The following IGSF9B variants were observed in gnomAD, a reference collection of about 807,000 sequenced individuals.
IGSF9B encodes immunoglobulin superfamily member 9B.
In IGSF9B, 48 loss-of-function variants were observed where a neutral mutation model predicts 143.7. The observed-to-expected ratio is 0.33, with a 90% CI of 0.26 to 0.42. The LOEUF is 0.42. IGSF9B is among the 20% of genes least tolerant of loss of function. IGSF9B has a pLI of 1.00. For synonymous variants in IGSF9B, 903 were observed against 833.1 expected, an observed-to-expected ratio of 1.08 and a Z score of -1.44; for missense variants, 1,706 against 1,980.0, an observed-to-expected ratio of 0.86 and a Z score of 2.63.
At position 133,923,497 on chromosome 11, in the gene IGSF9B, C is replaced by T. The variant is rs114155504; in HGVS notation, c.2120-767G>A. Among the ~76,000 whole-genome samples the T allele has an allele frequency of 7.6e-3, 1,150 of 152,256 alleles. 14 individuals are homozygous for T. Among genetic ancestry groups the T allele is most frequent in the African/African-American group, 0.027 (1,104 of 41,530 alleles). On this transcript the variant is annotated intron_variant, in intron 15 of 19. Coordinates refer to ENST00000533871, the MANE Select transcript of IGSF9B (RefSeq NM_001277285.4). ...CCAAGTCTACAGAGCTCGTTATGAC[C>T]GAGCCAAGACTAGACACCAGCCTAC...
At chr11:133,947,764 T>C (rs928457993) in intron 1 of IGSF9B, among the ~76,000 whole-genome samples, 2 of 150,884 alleles carry the variant, frequency 1.3e-5, no homozygotes, top group Admixed American at 6.6e-5. Context: ...TCTGTTTGTC[T>C]GTCTTACTGG....
chr11:133,940,440 T>C (rs1444460908), intron 3 of IGSF9B, among the ~76,000 whole-genome samples: 86 of 79,596 alleles, frequency 1.1e-3, no homozygotes, highest in Middle Eastern at 0.014. Context: ...CGTCATCACA[T>C]GCAAAAACAC....
intron 12 of IGSF9B, 146 bp from the exon 13 acceptor site, chr11:133,927,237 G>C (rs891833911): frequency 1.5e-6 from 1 of 665,082 alleles, no homozygotes; most frequent in African/African-American, 1.8e-5. Flanking sequence ...GCATGGCCCA[G>C]AGTGGATGCC....
rs1282701592 is a variant in IGSF9B, at chr11:133,909,621, G to A, written c.4106-344C>T. ...CATTCTAGGGACTGGGGATCAGGAA[G>A]GAACAGGCTGGGACTCAGGACATCT... is the stretch of plus-strand genomic sequence containing the variant. On this transcript the variant is annotated intron_variant, in intron 19 of 19. Transcript: ENST00000533871. This position sits in a 1 kb window ranked among gnomAD's most constrained non-coding sequence, Gnocchi z 4.2. Among the ~76,000 whole-genome samples the A allele has an allele frequency of 6.6e-6, 1 of 152,192 alleles. No homozygotes were observed. Among genetic ancestry groups the A allele is most frequent in the Non-Finnish European group, 1.5e-5 (1 of 68,036 alleles).
At chr11:133,917,245 G>A (rs918102651) in intron 18 of IGSF9B, among the ~76,000 whole-genome samples, 2 of 152,194 alleles carry the variant, frequency 1.3e-5, no homozygotes, top group African/African-American at 2.4e-5. Flanking sequence ...GCAGCACCTT[G>A]TCAGGCTACT....
chr11:133,926,865 C>T (rs1939635005), intron 13 of IGSF9B, 51 bp downstream of exon 13: 6 of 1,486,464 alleles, frequency 4.0e-6, no homozygotes, highest in Non-Finnish European at 5.5e-6. Flanking sequence ...GGGCCACCGC[C>T]CCCACCACCT....
chr11:133,941,030 ATAAAT>A (rs1939947584), intron 3 of IGSF9B, among the ~76,000 whole-genome samples: 1 of 152,216 alleles, frequency 6.6e-6, no homozygotes, highest in Non-Finnish European at 1.5e-5. Flanking sequence ...AGAAAAGATA[ATAAAT>A]TAAATTTACA....
Position 133,931,260 on chromosome 11 carries a change from T to A in IGSF9B, c.1369-126A>T. The A allele has an allele frequency of 9.5e-7, 1 of 1,055,240 alleles. No individual in the cohort carries two copies. The highest frequency in any genetic ancestry group is 1.6e-5 in the African/African-American group (1 of 63,386). 65.4% of individuals were successfully genotyped at this position (1,055,240 alleles called of 1,614,324 possible). A position where few individuals can be genotyped will look rare whatever the true frequency, so the allele number is the denominator to read the frequency against. ...CCACGCTGCCCTCCTCCCGAGTGCC[T>A]GCCGCTCTTCAGGGTCAGCTCACTG... On this transcript the variant is annotated intron_variant, in intron 10 of 19. Transcript: ENST00000533871. This position sits in a 1 kb window ranked among gnomAD's most constrained non-coding sequence, Gnocchi z 7.7.
Position 133,926,829 on chromosome 11 carries a change from C to T in IGSF9B, c.1807+87G>A, listed in dbSNP as rs546726910. 12 of 1,154,470 alleles carry T rather than the reference C, an allele frequency of 1.0e-5. No individual in the cohort carries two copies. In the Admixed American group the frequency reaches 2.2e-4, roughly 21 times the overall value. 71.5% of individuals were successfully genotyped at this position (1,154,470 alleles called of 1,614,324 possible). ...GAGCACTCAGCAAGGTACCGGCACACAGGAGGCCGACTGCTATAGCTGCCT... is the reference window on the plus strand; with the variant it reads ...GAGCACTCAGCAAGGTACCGGCACATAGGAGGCCGACTGCTATAGCTGCCT... On this transcript the variant is annotated intron_variant, in intron 13 of 19. Coordinates refer to ENST00000533871, the MANE Select transcript of IGSF9B (RefSeq NM_001277285.4).
chr11:133,901,290 A>G lies in IGSF9B; in HGVS notation c.*7779T>C, dbSNP rs1367524843. The G allele has an allele frequency of 6.6e-6, 1 of 152,284 alleles. No individual in the cohort carries two copies. Among genetic ancestry groups the G allele is most frequent in the East Asian group, 1.9e-4 (1 of 5,198 alleles). 9.4% of individuals were successfully genotyped at this position (152,284 alleles called of 1,614,324 possible). ...AATACCAAAGGAAGAGCAGGGAAGG[A>G]GGTGGCGTCAAGGCATGAGCTAGTA... is the stretch of plus-strand genomic sequence containing the variant. On this transcript the variant is annotated 3_prime_UTR_variant, in exon 20 of 20. Coordinates refer to ENST00000533871, the MANE Select transcript of IGSF9B (RefSeq NM_001277285.4).
rs761632966 is a variant in IGSF9B at position 133,904,825 on chromosome 11, C to T, written c.*4244G>A. On this transcript the variant is annotated 3_prime_UTR_variant, in exon 20 of 20. Coordinates refer to ENST00000533871, the MANE Select transcript of IGSF9B (RefSeq NM_001277285.4). ...TCCCCTCCACCCTCCAGTTCTCCAA[C>T]TCCCCCTCCTGAAACACCAGTGCCC... is the stretch of plus-strand genomic sequence containing the variant. Among the ~76,000 whole-genome samples the T allele has an allele frequency of 1.3e-5, 2 of 151,550 alleles. No homozygotes were observed. Among genetic ancestry groups the T allele is most frequent in the African/African-American group, 2.4e-5 (1 of 41,166 alleles).
At position 133,946,113 on chromosome 11, in the gene IGSF9B, A is replaced by G. The variant is rs748552127; in HGVS notation, c.210T>C (p.Pro70=). 1.9e-6 allele frequency: 3 copies of G among 1,609,174 alleles called. No individual in the cohort carries two copies. In the Admixed American group the frequency reaches 5.0e-5, roughly 27 times the overall value. The change falls in exon 2 of 20, where the codon CCT becomes CCC. Residue 70 remains proline (P), a synonymous_variant. Transcript: ENST00000533871. ...GGTAGTAGCCAAACTTGATGAAGAT[A>G]GGGATGGGGACCCCGAACTTGAACC... ...VEWFKFGVPI[P]IFIKFGYYPP...
At position 133,903,104 on chromosome 11, in the gene IGSF9B, G is replaced by A. The variant is rs1356615560; in HGVS notation, c.*5965C>T. Among the ~76,000 whole-genome samples the A allele has an allele frequency of 6.6e-6, 1 of 152,022 alleles. No individual in the cohort carries two copies. The highest frequency in any genetic ancestry group is 6.5e-5 in the Admixed American group (1 of 15,272). On this transcript the variant is annotated 3_prime_UTR_variant, in exon 20 of 20. Transcript: ENST00000533871. ...ACGATCCCTGGAGCCATACAGAAGT[G>A]GGGAAAGGAAAAGGGAAGGGAAGCT...
chr11:133,952,768 T>A (rs995827825), intron 1 of IGSF9B, among the ~76,000 whole-genome samples: 2 of 149,928 alleles, frequency 1.3e-5, no homozygotes, highest in Non-Finnish European at 3.0e-5. Context: ...TAGGAACATG[T>A]GTGTATGCGC....
intron 1 of IGSF9B, among the ~76,000 whole-genome samples, chr11:133,952,568 T>C (rs1940180115): frequency 6.6e-6 from 1 of 152,164 alleles, no homozygotes; most frequent in African/African-American, 2.4e-5. Flanking sequence ...CAAGCACTTG[T>C]GGGCAGGCAC....
At chr11:133,943,042 AG>A (rs1454146250) in intron 3 of IGSF9B, among the ~76,000 whole-genome samples, 1 of 152,206 alleles carries the variant, frequency 6.6e-6, no homozygotes, top group Non-Finnish European at 1.5e-5. Flanking sequence ...GGTCTGGCCC[AG>A]CCCCCCCAGG....
chr11:133,931,337 C>T lies in IGSF9B; in HGVS notation c.1368+116G>A, dbSNP rs1939724651. The stretch of plus-strand genomic sequence containing the variant: ...GTCCAGAATAGAACTGCTCGCTGGG[C>T]CCTCACACCTCCCCTCAGCCCCGGG... On this transcript the variant is annotated intron_variant, in intron 10 of 19. Transcript: ENST00000533871. This position sits in a 1 kb window ranked among gnomAD's most constrained non-coding sequence, Gnocchi z 7.7. 2.3e-6 allele frequency: 2 copies of T among 854,040 alleles called. No individual in the cohort carries two copies. The highest frequency in any genetic ancestry group is 2.6e-5 in the Admixed American group (1 of 38,762). The allele number at this position is 854,040 out of a possible 1,614,324, so 52.9% of individuals were successfully genotyped here. A position where few individuals can be genotyped will look rare whatever the true frequency, so the allele number is the denominator to read the frequency against.
At chr11:133,952,072 G>A (rs903112219) in intron 1 of IGSF9B, 17 of 455,476 alleles carry the variant, frequency 3.7e-5, no homozygotes, top group East Asian at 3.5e-4. Flanking sequence ...CAGTCAGGCC[G>A]GCTGAGACTC....
Position 133,920,809 on chromosome 11 carries a change from G to A in IGSF9B, c.2916C>T (p.Ser972=), listed in dbSNP as rs1198669506. 2.5e-6 allele frequency: 4 copies of A among 1,606,582 alleles called. No homozygotes were observed. The highest frequency in any genetic ancestry group is 1.3e-5 in the African/African-American group (1 of 74,802). Residue 972 remains serine (S), a synonymous_variant, in exon 18 of 20, where the codon AGC becomes AGT. Transcript: ENST00000533871. The part of the protein sequence containing the change: ...HHGQYYGYLS[S]SSPGEVEPPP... The stretch of plus-strand genomic sequence containing the variant: ...GCGGCTCCACCTCCCCAGGGCTGCT[G>A]CTGCTGAGGTACCCATAATACTGGC...
Sources: gnomAD v4.1 joint callset for allele counts (sites outside exome capture counted in the v4.1 genomes callset) on GRCh38, gnomAD v4.1.1 for gene constraint, Gnocchi (gnomAD v3.1) non-coding constraint, MANE v1.5 for transcripts, NCBI Gene and HGNC (gene_info 2026-07-23, HGNC 2026-07-21) for gene names.